Variants in AGTPBP1 observed in about 807,000 individuals in gnomAD.
AGTPBP1 encodes ATP/GTP binding carboxypeptidase 1.
AGTPBP1 carries 70 observed loss-of-function variants against 143.9 expected under a neutral mutation model. The observed-to-expected ratio is 0.49, with a 90% confidence interval of 0.40 to 0.59. The LOEUF (loss-of-function observed/expected upper bound fraction) is 0.59. Ranked by LOEUF, AGTPBP1 falls within the 20% of genes least tolerant of loss-of-function variation. The pLI, the probability that AGTPBP1 is intolerant of heterozygous loss-of-function variation, is 0.00. For synonymous variants in AGTPBP1, 463 were observed against 500.2 expected (o/e 0.93, Z 0.99); for missense variants, 1,229 against 1,464.5 (o/e 0.84, Z 2.62).
At chr9:85,704,055 C>G (rs919698820) in intron 2 of AGTPBP1, among the ~76,000 whole-genome samples, 4 of 152,144 alleles carry the variant, frequency 2.6e-5, no homozygotes, top group Non-Finnish European at 4.4e-5. Flanking sequence ...CACCTGAAAA[C>G]TAAAGGTGGC....
chr9:85,559,382 T>A (rs1372495601), intron 25 of AGTPBP1, among the ~76,000 whole-genome samples: 2 of 150,960 alleles, frequency 1.3e-5, no homozygotes, highest in Admixed American at 6.6e-5. Flanking sequence ...ACACAGAGGA[T>A]CTAACAAAAG....
the AGTPBP1 span, among the ~76,000 whole-genome samples, chr9:85,762,946 C>T: frequency 1.3e-5 from 2 of 151,134 alleles, no homozygotes; most frequent in Non-Finnish European, 2.9e-5. Context: ...GGTTTGGATA[C>T]ACTGACTGAG....
chr9:85,695,783 T>C (rs764618953), intron 2 of AGTPBP1, among the ~76,000 whole-genome samples: 5 of 152,162 alleles, frequency 3.3e-5, no homozygotes. Context: ...AAGAAAACGA[T>C]GGACAAACAA....
At chr9:85,665,921 A>C (rs1390890982) in intron 8 of AGTPBP1, among the ~76,000 whole-genome samples, 2 of 152,168 alleles carry the variant, frequency 1.3e-5, no homozygotes, top group East Asian at 3.8e-4. Context: ...CTGAAATTCT[A>C]TAACACTTAT....
At chr9:85,770,685 C>T in the AGTPBP1 span, among the ~76,000 whole-genome samples, 1 of 152,124 alleles carries the variant, frequency 6.6e-6, no homozygotes, top group Non-Finnish European at 1.5e-5. Context: ...AATATGTAGG[C>T]CTAACTTTGT....
chr9:85,652,372 C>T (rs1246360233), intron 11 of AGTPBP1, among the ~76,000 whole-genome samples: 5 of 152,016 alleles, frequency 3.3e-5, no homozygotes, highest in African/African-American at 1.2e-4. Flanking sequence ...ATTAGCTGGG[C>T]GTGGTGGTGC....
intron 8 of AGTPBP1, among the ~76,000 whole-genome samples, chr9:85,665,716 T>C (rs1834090296): frequency 6.6e-6 from 1 of 152,184 alleles, no homozygotes. Context: ...CATTTTTTTC[T>C]GTTGATGTTT....
At chr9:85,610,453 A>G (rs1351210016) in intron 17 of AGTPBP1, among the ~76,000 whole-genome samples, 1 of 152,216 alleles carries the variant, frequency 6.6e-6, no homozygotes, top group African/African-American at 2.4e-5. Context: ...TAATTTTAAG[A>G]TCATTCACTT....
chr9:85,805,224 C>T, the AGTPBP1 span: 1 of 152,474 alleles, frequency 6.6e-6, no homozygotes, highest in African/African-American at 2.4e-5. Context: ...CCGCTACCAA[C>T]CGGGAAAATA....
At chr9:85,562,433 C>T (rs1051403635) in intron 25 of AGTPBP1, among the ~76,000 whole-genome samples, 4 of 152,248 alleles carry the variant, frequency 2.6e-5, no homozygotes, top group Admixed American at 6.5e-5. Flanking sequence ...AGATAGCTTA[C>T]GCTTACATAC....
upstream of AGTPBP1, chr9:85,742,049 C>G: frequency 8.5e-7 from 1 of 1,180,002 alleles, no homozygotes; most frequent in Non-Finnish European, 1.0e-6. Flanking sequence ...GCGGGGCGTG[C>G]GAGGCCGCGA....
At chr9:85,608,359 A>T (rs1365911892) in intron 17 of AGTPBP1, among the ~76,000 whole-genome samples, 1 of 152,138 alleles carries the variant, frequency 6.6e-6, no homozygotes, top group Non-Finnish European at 1.5e-5. Flanking sequence ...GGGACATACT[A>T]TTGATATAGT....
At chr9:85,583,863 A>T (rs530828913) in intron 23 of AGTPBP1, among the ~76,000 whole-genome samples, 1 of 152,098 alleles carries the variant, frequency 6.6e-6, no homozygotes, top group Non-Finnish European at 1.5e-5. Context: ...ATAAAGAGAA[A>T]CCCATTAATC....
chr9:85,643,592 T>C (rs1474257306), intron 12 of AGTPBP1, among the ~76,000 whole-genome samples: 2 of 152,166 alleles, frequency 1.3e-5, no homozygotes, highest in Non-Finnish European at 2.9e-5. Context: ...AGTGTCACCA[T>C]TCACTCTGTT....
chr9:85,773,353 G>A, the AGTPBP1 span, among the ~76,000 whole-genome samples: 123 of 77,196 alleles, frequency 1.6e-3, no homozygotes, highest in Non-Finnish European at 2.7e-3. Flanking sequence ...TTTTTTTTGC[G>A]GCGGAGTTTT....
intron 18 of AGTPBP1, among the ~76,000 whole-genome samples, chr9:85,593,000 A>G (rs1047616958): frequency 8.5e-5 from 13 of 152,200 alleles, no homozygotes; most frequent in African/African-American, 3.1e-4. Flanking sequence ...TACTGAATCT[A>G]GAAAATGATC....
chr9:85,714,376 T>C (rs1837567696), intron 1 of AGTPBP1, among the ~76,000 whole-genome samples: 1 of 152,226 alleles, frequency 6.6e-6, no homozygotes. Context: ...AAGTGCATTT[T>C]AGCACTGCTT....
chr9:85,768,129 A>T, the AGTPBP1 span, among the ~76,000 whole-genome samples: 1 of 152,214 alleles, frequency 6.6e-6, no homozygotes, highest in Non-Finnish European at 1.5e-5. Flanking sequence ...GGAACTGCAA[A>T]CACTGATATG....
At chr9:85,773,988 C>A in the AGTPBP1 span, 1 of 1,610,796 alleles carries the variant, frequency 6.2e-7, no homozygotes, top group Admixed American at 1.7e-5. Flanking sequence ...GACCCTCCAG[C>A]AAAAGGAGCA....
Sources: gnomAD v4.1 joint callset for allele counts (sites outside exome capture counted in the v4.1 genomes callset) on GRCh38, gnomAD v4.1.1 for gene constraint, MANE v1.5 for transcripts, NCBI Gene and HGNC (gene_info 2026-07-23, HGNC 2026-07-21) for gene names.